PMPCB: variants seen among roughly 807,000 people sequenced by gnomAD.
The protein encoded by PMPCB is mitochondrial-processing peptidase subunit beta.
A neutral mutation model predicts 61.5 loss-of-function variants in PMPCB; 46 were observed. The observed-to-expected ratio is 0.75, with a 90% CI of 0.59 to 0.96. The LOEUF (loss-of-function observed/expected upper bound fraction) is 0.96. Among genes scored for constraint, PMPCB ranks in the 40% least tolerant of loss-of-function variants. The pLI is 0.00. For synonymous variants in PMPCB, 191 were observed against 201.6 expected, an observed-to-expected ratio of 0.95 and a Z score of 0.44; for missense variants, 590 against 602.4, an observed-to-expected ratio of 0.98 and a Z score of 0.22.
chr7:103,320,257 T>C (rs1165146708), intron 12 of PMPCB, among the ~76,000 whole-genome samples: 2 of 151,780 alleles, frequency 1.3e-5, no homozygotes, highest in African/African-American at 4.8e-5. Flanking sequence ...CCTGGCTAAT[T>C]TTTTCTATAT....
chr7:103,344,960 T>C, the PMPCB span: 172 of 481,370 alleles, frequency 3.6e-4, 1 homozygote, highest in Non-Finnish European at 5.5e-4. Context: ...GTGCAATACA[T>C]AGAACATAAC....
Position 103,312,103 on chromosome 7 carries a change from TAATAG to T in PMPCB, c.1378_1382del (p.Asn460GlufsTer11). On this transcript the variant is annotated frameshift_variant, in exon 12 of 13. Coordinates refer to ENST00000249269, the MANE Select transcript of PMPCB (RefSeq NM_004279.3). LOFTEE classifies it high-confidence loss of function. ...GAGAAGTATGTACCAAATACATTTA[TAATAG>T]GAGTCCAGCTATTGCTGCTGTTGGT... 7 of 1,614,088 alleles carry T rather than the reference TAATAG, an allele frequency of 4.3e-6. No individual in the cohort carries two copies. The highest frequency in any genetic ancestry group is 5.9e-6 in the Non-Finnish European group (7 of 1,179,974).
chr7:103,306,314 G>T (rs984417542), intron 6 of PMPCB, among the ~76,000 whole-genome samples: 3 of 151,544 alleles, frequency 2.0e-5, no homozygotes, highest in African/African-American at 7.3e-5. Flanking sequence ...AGTAATTCCT[G>T]AGTTTTTGCA....
intron 12 of PMPCB, chr7:103,323,565 A>G (rs2115895636): frequency 1.4e-6 from 2 of 1,429,954 alleles, no homozygotes; most frequent in Middle Eastern, 3.6e-4. Flanking sequence ...AACCAAATAA[A>G]TACCTTCCAT....
chr7:103,297,918 T>A, intron 1 of PMPCB: 1 of 1,281,236 alleles, frequency 7.8e-7, no homozygotes, highest in South Asian at 1.5e-5. Context: ...AACTTCGTCC[T>A]CAGCTGGGCT....
chr7:103,310,106 A>C (rs1371934246), intron 8 of PMPCB, among the ~76,000 whole-genome samples: 1 of 152,206 alleles, frequency 6.6e-6, no homozygotes, highest in Non-Finnish European at 1.5e-5. Context: ...TGCTTTTATA[A>C]CATGAATTTC....
chr7:103,338,495 C>T, the PMPCB span, among the ~76,000 whole-genome samples: 1 of 151,182 alleles, frequency 6.6e-6, no homozygotes, highest in African/African-American at 2.4e-5. Context: ...CAGGGTTTCA[C>T]CTTGTTGGTC....
At chr7:103,332,007 ATTTT>A (rs56703501), downstream of PMPCB, among the ~76,000 whole-genome samples, 3 of 134,062 alleles carry the variant, frequency 2.2e-5, no homozygotes, top group South Asian at 2.4e-4. Context: ...TAAATTTGCT[ATTTT>A]TTTTTTTTTT....
At chr7:103,346,563 T>C in the PMPCB span, among the ~76,000 whole-genome samples, 1 of 152,248 alleles carries the variant, frequency 6.6e-6, no homozygotes, top group South Asian at 2.1e-4. Context: ...AAACTATTTT[T>C]ATCTTACAAA....
chr7:103,310,122 G>C (rs1817694856), intron 8 of PMPCB, among the ~76,000 whole-genome samples, 193 bp from the exon 9 acceptor site: 1 of 152,114 alleles, frequency 6.6e-6, no homozygotes, highest in Admixed American at 6.5e-5. Context: ...ATTTCTCCAG[G>C]GGGTGCACTG....
chr7:103,331,882 C>T (rs1015640838), downstream of PMPCB, among the ~76,000 whole-genome samples: 6 of 152,130 alleles, frequency 3.9e-5, no homozygotes, highest in African/African-American at 1.2e-4. Context: ...GTAGTGGGAA[C>T]GCTGGGCTAT....
intron 12 of PMPCB, among the ~76,000 whole-genome samples, chr7:103,328,396 C>T (rs1359974085): frequency 1.3e-5 from 2 of 151,760 alleles, no homozygotes; most frequent in South Asian, 2.1e-4. Flanking sequence ...TTTGGGAGGC[C>T]GAGCTGGGAG....
At chr7:103,327,570 C>G in intron 12 of PMPCB, 2 of 859,628 alleles carry the variant, frequency 2.3e-6, no homozygotes, top group Admixed American at 2.4e-5. Context: ...GTTGAATGAA[C>G]TACAGTATGC....
Position 103,310,343 on chromosome 7 carries a change from C to T in PMPCB, c.1022C>T (p.Thr341Ile), listed in dbSNP as rs780342063. ...MNLSSKLAQL[T>I]CHGNLCHSFQ... ...TTATCTAGCAAGCTGGCCCAGCTCA[C>T]TTGTCATGGCAATCTTTGCCATAGC... The change falls in exon 9 of 13, where the codon ACT (threonine) becomes ATT (isoleucine). Residue 341 changes from threonine to isoleucine, a missense_variant. Coordinates refer to ENST00000249269, the MANE Select transcript of PMPCB (RefSeq NM_004279.3). 4 of 1,613,564 alleles carry T rather than the reference C, an allele frequency of 2.5e-6. No homozygotes were observed. The African/African-American group carries it at 5.3e-5, about 22-fold the overall frequency.
intron 8 of PMPCB, among the ~76,000 whole-genome samples, chr7:103,309,942 C>CA (rs1459547120): frequency 6.6e-6 from 1 of 152,090 alleles, no homozygotes; most frequent in African/African-American, 2.4e-5. Flanking sequence ...TAGATTTCTC[C>CA]AAAATACATT....
downstream of PMPCB, among the ~76,000 whole-genome samples, chr7:103,331,224 C>T (rs946823145): frequency 2.0e-5 from 3 of 152,346 alleles, no homozygotes; most frequent in South Asian, 2.1e-4. Flanking sequence ...TCCCAAAGCG[C>T]TGGGATTACA....
In PMPCB at chr7:103,300,135, T is replaced by C. The variant is rs17156420; in HGVS notation, c.328-43T>C. ...TATCTGAAGTAGAATAGATGAAGTA[T>C]AAAGGGAGTTTGCATAATTTGTTTT... On this transcript the variant is annotated intron_variant, in intron 3 of 12. Transcript: ENST00000249269. 0.036 allele frequency: 56,749 copies of C among 1,567,924 alleles called. 1,307 individuals carry two copies. The highest frequency in any genetic ancestry group is 0.082 in the African/African-American group (6,051 of 73,712).
At chr7:103,326,145 A>ATTTTTTTT in intron 12 of PMPCB, among the ~76,000 whole-genome samples, 2 of 151,996 alleles carry the variant, frequency 1.3e-5, no homozygotes, top group African/African-American at 4.8e-5. Context: ...CGGCCAGCTA[A>ATTTTTTTT]TTTTTGTATT....
Position 103,298,702 on chromosome 7 carries a change from A to G in PMPCB, c.234A>G (p.Thr78=). The part of the protein sequence containing the change: ...RVASEDSGLS[T]CTVGLWIDAG... Reference sequence around the variant, plus strand: ...CTTCGGAAGACTCTGGGCTCTCAACATGCACAGTAAGTGACTCAGGCAACC... The same window carrying G: ...CTTCGGAAGACTCTGGGCTCTCAACGTGCACAGTAAGTGACTCAGGCAACC... Residue 78 remains threonine (T), a synonymous_variant, in exon 2 of 13, where the codon ACA becomes ACG. Transcript: ENST00000249269. 2 of 1,613,984 alleles carry G rather than the reference A, an allele frequency of 1.2e-6. No individual in the cohort carries two copies. The highest frequency in any genetic ancestry group is 1.7e-6 in the Non-Finnish European group (2 of 1,179,904).
Sources: gnomAD v4.1 joint callset for allele counts (sites outside exome capture counted in the v4.1 genomes callset) on GRCh38, gnomAD v4.1.1 for gene constraint, MANE v1.5 for transcripts, NCBI Gene and HGNC (gene_info 2026-07-23, HGNC 2026-07-21) for gene names.